MELK: variants seen among roughly 807,000 people sequenced by gnomAD.
MELK encodes pEg3 kinase.
MELK carries 81 observed loss-of-function variants against 85.0 expected under a neutral mutation model. The ratio of observed to expected loss-of-function variants is 0.95; its 90% CI spans 0.80 to 1.15. The LOEUF is 1.15. MELK is among the 50% of genes most tolerant of loss of function. The pLI, the probability that MELK is intolerant of heterozygous loss-of-function variation, is 0.00. For synonymous variants in MELK, 252 were observed against 265.0 expected, an observed-to-expected ratio of 0.95 and a Z score of 0.48; for missense variants, 754 against 777.5, an observed-to-expected ratio of 0.97 and a Z score of 0.36.
chr9:36,630,458 T>G lies in MELK; in HGVS notation c.735+91T>G, dbSNP rs1407242451. ...TGGTGCTACATCATTTCCTATTAGC[T>G]TGAAAAAAATCCCACTCATATCTAC... On this transcript the variant is annotated intron_variant, in intron 9 of 17. Transcript: ENST00000298048. 51 of 1,041,482 alleles carry G rather than the reference T, an allele frequency of 4.9e-5. 1 individual carries two copies. The Admixed American group carries it at 9.2e-4, about 19-fold the overall frequency. 64.5% of individuals were successfully genotyped at this position (1,041,482 alleles called of 1,614,324 possible). A position where few individuals can be genotyped will look rare whatever the true frequency, so the allele number is the denominator to read the frequency against.
At chr9:36,674,159 G>C (rs1049673292) in intron 16 of MELK, among the ~76,000 whole-genome samples, 1 of 152,154 alleles carries the variant, frequency 6.6e-6, no homozygotes. Context: ...AGGGATTTTT[G>C]TGTGTCCAGG....
chr9:36,623,178 T>C (rs1827602537), intron 8 of MELK, among the ~76,000 whole-genome samples: 2 of 152,198 alleles, frequency 1.3e-5, no homozygotes, highest in Non-Finnish European at 2.9e-5. Flanking sequence ...ATTCAGAATG[T>C]TTCCATACAC....
chr9:36,584,248 G>A (rs1289042096), intron 3 of MELK, among the ~76,000 whole-genome samples: 1 of 150,980 alleles, frequency 6.6e-6, no homozygotes, highest in East Asian at 2.0e-4. Context: ...CCCGTGATCT[G>A]CCCGCCTCGG....
rs59795269 is a variant in MELK, at chr9:36,640,368, T to C, written c.835-2629T>C. On this transcript the variant is annotated intron_variant, in intron 10 of 17. Coordinates refer to ENST00000298048, the MANE Select transcript of MELK (RefSeq NM_014791.4). ...CTTTCTGGTTCATAGAATGGCTCTT[T>C]CTTGCTGTGTCCTCACGTGGTGGAA... Among the ~76,000 whole-genome samples, 112 of 152,288 alleles carry C rather than the reference T, an allele frequency of 7.4e-4. 1 individual carries two copies. The East Asian group carries it at 0.018, about 24-fold the overall frequency.
At chr9:36,628,256 C>T (rs1365627354) in intron 8 of MELK, among the ~76,000 whole-genome samples, 2 of 152,176 alleles carry the variant, frequency 1.3e-5, no homozygotes, top group East Asian at 1.9e-4. Context: ...GTATGGCCAA[C>T]TGGACCCCAA....
At chr9:36,635,683 G>T (rs1245645248) in intron 10 of MELK, among the ~76,000 whole-genome samples, 1 of 151,904 alleles carries the variant, frequency 6.6e-6, no homozygotes, top group Non-Finnish European at 1.5e-5. Context: ...TCTGCAGACC[G>T]TGCTTTGAGA....
intron 11 of MELK, among the ~76,000 whole-genome samples, chr9:36,651,002 A>G (rs1482741643): frequency 1.3e-5 from 2 of 152,222 alleles, no homozygotes; most frequent in Non-Finnish European, 2.9e-5. Flanking sequence ...GAAATGCAAG[A>G]ATAGCACCCT....
At chr9:36,640,959 A>G (rs1829701711) in intron 10 of MELK, among the ~76,000 whole-genome samples, 2 of 152,226 alleles carry the variant, frequency 1.3e-5, no homozygotes, top group Non-Finnish European at 1.5e-5. Context: ...GTGATGTTCA[A>G]AACAAGGGAA....
chr9:36,611,162 G>C lies in MELK; in HGVS notation c.666+3489G>C, dbSNP rs564961730. 2.6e-5 allele frequency among the ~76,000 whole-genome samples: 4 copies of C among 152,290 alleles called. No homozygotes were observed. The South Asian group carries it at 8.3e-4, about 32-fold the overall frequency. Reference sequence around the variant, plus strand: ...GGATACTCGGCTTGTATTATAAGCTGCTAGGATATTTTACCCTATTCTTGT... The same window carrying C: ...GGATACTCGGCTTGTATTATAAGCTCCTAGGATATTTTACCCTATTCTTGT... On this transcript the variant is annotated intron_variant, in intron 8 of 17. Coordinates refer to ENST00000298048, the MANE Select transcript of MELK (RefSeq NM_014791.4).
intron 12 of MELK, among the ~76,000 whole-genome samples, chr9:36,655,488 G>A (rs1831157038): frequency 6.6e-6 from 1 of 152,006 alleles, no homozygotes; most frequent in Non-Finnish European, 1.5e-5. Context: ...GAACGCAAGT[G>A]AGCTGGAAGG....
Position 36,677,337 on chromosome 9 carries a change from A to G in MELK, c.1956A>G (p.Ter652=), listed in dbSNP as rs1833434496. 6.2e-7 allele frequency: 1 copy of G among 1,609,954 alleles called. No individual in the cohort carries two copies. The highest frequency in any genetic ancestry group is 1.7e-5 in the Admixed American group (1 of 59,664). The change falls in exon 18 of 18, where the codon TAA becomes TAG. Residue 652 remains the stop codon, a stop_retained_variant. Transcript: ENST00000298048. ...ACATCCTATCTAGCTGCAAGGTATA[A>G]TTGATGGATTCTTCCATCCTGCCGG... ...VEDILSSCKV[*] is the part of the protein sequence containing the mutation.
At chr9:36,611,752 C>CCAT (rs781173894) in intron 8 of MELK, among the ~76,000 whole-genome samples, 1 of 145,404 alleles carries the variant, frequency 6.9e-6, no homozygotes, top group Admixed American at 6.9e-5. Flanking sequence ...ATAAATGTAG[C>CCAT]TATTATTATT....
chr9:36,594,903 C>A, intron 5 of MELK, 132 bp downstream of exon 5: 94 of 758,186 alleles, frequency 1.2e-4, no homozygotes, highest in Non-Finnish European at 1.5e-4. Context: ...TCATACCTAT[C>A]AGATTTCTTT....
chr9:36,632,174 G>T (rs1304254254), intron 9 of MELK, among the ~76,000 whole-genome samples: 1 of 152,150 alleles, frequency 6.6e-6, no homozygotes, highest in Admixed American at 6.6e-5. Context: ...CTGAAATTTT[G>T]CATTTCTAAC....
At chr9:36,658,126 C>G (rs1034205282) in intron 13 of MELK, among the ~76,000 whole-genome samples, 1 of 151,596 alleles carries the variant, frequency 6.6e-6, no homozygotes, top group African/African-American at 2.4e-5. Context: ...TTTTGATAAT[C>G]TTTTTATTGT....
intron 12 of MELK, among the ~76,000 whole-genome samples, chr9:36,652,199 ACCACGCCTGG>A (rs1437348510): frequency 6.6e-6 from 1 of 150,966 alleles, no homozygotes; most frequent in Non-Finnish European, 1.5e-5. Flanking sequence ...GGTGTGCATC[ACCACGCCTGG>A]CCAATTTTTG....
At chr9:36,578,988 G>A (rs554957407) in intron 1 of MELK, among the ~76,000 whole-genome samples, 1 of 132,280 alleles carries the variant, frequency 7.6e-6, no homozygotes, top group East Asian at 2.2e-4. Flanking sequence ...GATTGCAGGC[G>A]CACACCACAA....
rs192553955 is a variant in MELK at position 36,613,484 on chromosome 9, A to G, written c.666+5811A>G. Among the ~76,000 whole-genome samples, 7 of 152,350 alleles carry G rather than the reference A, an allele frequency of 4.6e-5. No individual in the cohort carries two copies. In the East Asian group the frequency reaches 1.2e-3, roughly 25 times the overall value. Reference sequence around the variant, plus strand: ...AGTAGTGGGGATGTAGAGAAAGACAATAAGCATAACAAGTAAATTTTACTA... The same window carrying G: ...AGTAGTGGGGATGTAGAGAAAGACAGTAAGCATAACAAGTAAATTTTACTA... On this transcript the variant is annotated intron_variant, in intron 8 of 17. Coordinates refer to ENST00000298048, the MANE Select transcript of MELK (RefSeq NM_014791.4).
At chr9:36,638,066 T>TG (rs1829382292) in intron 10 of MELK, among the ~76,000 whole-genome samples, 1 of 152,154 alleles carries the variant, frequency 6.6e-6, no homozygotes, top group African/African-American at 2.4e-5. Context: ...GTTCAGCCAT[T>TG]GGGGGTCATC....
Sources: gnomAD v4.1 joint callset for allele counts (sites outside exome capture counted in the v4.1 genomes callset) on GRCh38, gnomAD v4.1.1 for gene constraint, MANE v1.5 for transcripts, NCBI Gene and HGNC (gene_info 2026-07-23, HGNC 2026-07-21) for gene names.